The following PLXDC2 variants were observed in gnomAD, a reference collection of about 807,000 sequenced individuals.
PLXDC2 encodes the protein plexin domain-containing protein 2.
Under a neutral mutation model 68.9 loss-of-function variants are expected in PLXDC2, and 40 were observed. The ratio of observed to expected loss-of-function variants is 0.58; its 90% CI spans 0.45 to 0.76. The LOEUF (loss-of-function observed/expected upper bound fraction) is 0.76. Among genes scored for constraint, PLXDC2 ranks in the 30% least tolerant of loss-of-function variants. The pLI is 0.00. For missense variants in PLXDC2, 644 were observed against 661.9 expected (o/e 0.97, Z 0.30); for synonymous variants, 243 against 234.2 (o/e 1.04, Z -0.34).
rs943470640 is a variant in PLXDC2 at position 20,289,474 on chromosome 10, G to T, written c.*9655G>T. 23 of 152,170 alleles carry T rather than the reference G, an allele frequency of 1.5e-4. No individual in the cohort carries two copies. Among genetic ancestry groups the T allele is most frequent in the African/African-American group, 5.3e-4 (22 of 41,430 alleles). 9.4% of individuals were successfully genotyped at this position (152,170 alleles called of 1,614,324 possible). On this transcript the variant is annotated 3_prime_UTR_variant, in exon 14 of 14. Transcript: ENST00000377252. ...TGATTTTCTGAATAAGTTCCAGAAGGTTCTCTATTATTCTGTCCTTCTTCC... is the reference window on the plus strand; with the variant it reads ...TGATTTTCTGAATAAGTTCCAGAAGTTTCTCTATTATTCTGTCCTTCTTCC...
At chr10:19,849,413 C>T (rs1247873682) in intron 1 of PLXDC2, among the ~76,000 whole-genome samples, 1 of 152,120 alleles carries the variant, frequency 6.6e-6, no homozygotes. Flanking sequence ...TATAGTTTGG[C>T]TGTGGCCCCA....
chr10:19,993,905 T>A (rs1466610864), intron 1 of PLXDC2, among the ~76,000 whole-genome samples: 1 of 152,240 alleles, frequency 6.6e-6, no homozygotes, highest in African/African-American at 2.4e-5. Flanking sequence ...TGCAGGGCAC[T>A]TGCATCTTGG....
intron 1 of PLXDC2, among the ~76,000 whole-genome samples, chr10:19,850,677 C>G (rs1837099277): frequency 1.3e-5 from 2 of 152,124 alleles, no homozygotes; most frequent in Admixed American, 1.3e-4. Flanking sequence ...TAAGCGCCAC[C>G]AAAATATGCA....
At chr10:20,219,201 G>A in intron 12 of PLXDC2, 99 bp downstream of exon 12, 2 of 1,258,102 alleles carry the variant, frequency 1.6e-6, no homozygotes, top group East Asian at 2.7e-5. Flanking sequence ...TAGATAAAAG[G>A]TGAGGTTGTG....
chr10:20,274,918 G>A (rs1588556496), intron 13 of PLXDC2, among the ~76,000 whole-genome samples: 1 of 150,304 alleles, frequency 6.7e-6, no homozygotes, highest in East Asian at 1.9e-4. Context: ...AAATATATAT[G>A]TTTAATGACT....
At chr10:20,123,882 A>C (rs531529800) in intron 4 of PLXDC2, among the ~76,000 whole-genome samples, 2 of 151,938 alleles carry the variant, frequency 1.3e-5, no homozygotes, top group South Asian at 4.2e-4. Context: ...CAGAGATATA[A>C]GAGCTTGGGG....
intron 1 of PLXDC2, among the ~76,000 whole-genome samples, chr10:19,941,761 T>C (rs569822003): frequency 6.6e-6 from 1 of 152,296 alleles, no homozygotes; most frequent in South Asian, 2.1e-4. Context: ...TTCTTTTCCT[T>C]CTTTCTCTTT....
At chr10:19,897,998 C>G (rs1453388531) in intron 1 of PLXDC2, among the ~76,000 whole-genome samples, 2 of 152,082 alleles carry the variant, frequency 1.3e-5, no homozygotes, top group Non-Finnish European at 2.9e-5. Context: ...CCTGTAACAT[C>G]AAACTCATTA....
chr10:20,039,303 A>G (rs991989639), intron 2 of PLXDC2, among the ~76,000 whole-genome samples: 1 of 152,224 alleles, frequency 6.6e-6, no homozygotes, highest in Admixed American at 6.5e-5. Context: ...TTGAACTCCA[A>G]TCTCTCATTC....
At chr10:19,902,523 T>G (rs1374641343) in intron 1 of PLXDC2, among the ~76,000 whole-genome samples, 1 of 152,166 alleles carries the variant, frequency 6.6e-6, no homozygotes, top group Non-Finnish European at 1.5e-5. Context: ...TTTGTATACA[T>G]TAATTTTGTG....
At chr10:19,971,980 A>G (rs1311516226) in intron 1 of PLXDC2, among the ~76,000 whole-genome samples, 2 of 152,104 alleles carry the variant, frequency 1.3e-5, no homozygotes, top group African/African-American at 2.4e-5. Flanking sequence ...AGGAACAGGG[A>G]GTGGCATGCG....
chr10:20,130,462 C>T (rs1273093816), intron 4 of PLXDC2, among the ~76,000 whole-genome samples: 1 of 151,984 alleles, frequency 6.6e-6, no homozygotes, highest in Non-Finnish European at 1.5e-5. Flanking sequence ...AATTTTATTT[C>T]TTCCTTTCTG....
At chr10:20,022,885 G>A (rs1010172830) in intron 2 of PLXDC2, among the ~76,000 whole-genome samples, 8 of 151,892 alleles carry the variant, frequency 5.3e-5, no homozygotes, top group African/African-American at 1.9e-4. Flanking sequence ...ACTTGGCAGA[G>A]TATGAGAAAT....
intron 9 of PLXDC2, among the ~76,000 whole-genome samples, chr10:20,209,442 T>G (rs1227165414): frequency 1.3e-5 from 2 of 151,906 alleles, no homozygotes; most frequent in African/African-American, 2.4e-5. Context: ...TGTTAAATGA[T>G]GAGTTAATGG....
chr10:19,830,351 C>T (rs568801758), intron 1 of PLXDC2, among the ~76,000 whole-genome samples: 4 of 152,322 alleles, frequency 2.6e-5, no homozygotes, highest in African/African-American at 4.8e-5. Flanking sequence ...CACTTGCTGA[C>T]GTTTTAATCC....
At chr10:20,223,771 A>G (rs1241584591) in intron 12 of PLXDC2, among the ~76,000 whole-genome samples, 1 of 152,108 alleles carries the variant, frequency 6.6e-6, no homozygotes, top group Non-Finnish European at 1.5e-5. Context: ...TTTCCATTTA[A>G]TCCTTTCTGT....
intron 1 of PLXDC2, among the ~76,000 whole-genome samples, chr10:19,890,496 G>A (rs868342043): frequency 6.7e-6 from 1 of 149,972 alleles, no homozygotes; most frequent in Non-Finnish European, 1.5e-5. Context: ...GTGATAATAT[G>A]CAGTATTTGG....
chr10:20,183,739 A>G (rs1449361581), intron 9 of PLXDC2, among the ~76,000 whole-genome samples: 2 of 152,038 alleles, frequency 1.3e-5, no homozygotes, highest in Non-Finnish European at 2.9e-5. Context: ...AATTGAGGCC[A>G]GGAATATCTA....
At chr10:20,103,521 G>T (rs1833449016) in intron 4 of PLXDC2, among the ~76,000 whole-genome samples, 1 of 151,926 alleles carries the variant, frequency 6.6e-6, no homozygotes, top group Non-Finnish European at 1.5e-5. Flanking sequence ...AAAGAATGTT[G>T]TAAAGGGGTG....
Sources: gnomAD v4.1 joint callset for allele counts (sites outside exome capture counted in the v4.1 genomes callset) on GRCh38, gnomAD v4.1.1 for gene constraint, MANE v1.5 for transcripts, NCBI Gene and HGNC (gene_info 2026-07-23, HGNC 2026-07-21) for gene names.